Variants in CATSPERG observed in about 807,000 individuals in gnomAD.
The protein encoded by CATSPERG is catsper channel auxiliary subunit gamma, also known as cation channel sperm-associated auxiliary subunit gamma.
In CATSPERG, 115 loss-of-function variants were observed where a neutral mutation model predicts 145.0. The observed-to-expected ratio is 0.79, with a 90% CI of 0.68 to 0.93. The LOEUF (loss-of-function observed/expected upper bound fraction) is 0.93. CATSPERG is among the 40% of genes least tolerant of loss of function. The pLI is 0.00. For synonymous variants in CATSPERG, 588 were observed against 589.0 expected (o/e 1.00, Z 0.02); for missense variants, 1,296 against 1,490.1 (o/e 0.87, Z 2.14).
At chr19:38,343,966 G>C (rs1969982047) in intron 4 of CATSPERG, 27 bp from the exon 5 acceptor site, 2 of 1,547,664 alleles carry the variant, frequency 1.3e-6, no homozygotes. Flanking sequence ...GGCCCCAGCA[G>C]TTTCAGTGCC....
In CATSPERG at chr19:38,344,335, G is replaced by A; in HGVS notation, c.636G>A (p.Arg212=). 1 of 1,551,732 alleles carries A rather than the reference G, an allele frequency of 6.4e-7. No homozygotes were observed. The highest frequency in any genetic ancestry group is 1.2e-5 in the South Asian group (1 of 84,046). The change falls in exon 6 of 29, where the codon CGG becomes CGA. Residue 212 remains arginine, a synonymous_variant. Transcript: ENST00000409235. The part of the protein sequence containing the change: ...MNINGFLKRD[R]DNNIQFTVGE... ...TCAACGGCTTCCTGAAGAGAGACCGGGACAATAACATCCAATTCACTGTGG... is the reference window on the plus strand; with the variant it reads ...TCAACGGCTTCCTGAAGAGAGACCGAGACAATAACATCCAATTCACTGTGG...
chr19:38,368,111 C>A lies in CATSPERG; in HGVS notation c.2994C>A (p.Ile998=). 6.2e-7 allele frequency: 1 copy of A among 1,614,212 alleles called. No individual in the cohort carries two copies. Among genetic ancestry groups the A allele is most frequent in the Non-Finnish European group, 8.5e-7 (1 of 1,180,048 alleles). ...TRTTKDSAFH[I]MSHESPGIEW... The stretch of plus-strand genomic sequence containing the variant: ...CCACCAAAGACTCAGCCTTTCACAT[C>A]ATGTCCCACGAGAGCCCAGGCATCG... The change falls in exon 26 of 29, where the codon ATC becomes ATA. Residue 998 remains isoleucine, a synonymous_variant. Coordinates refer to ENST00000409235, the MANE Select transcript of CATSPERG (RefSeq NM_021185.5).
chr19:38,348,330 A>T (rs942093413), intron 7 of CATSPERG, among the ~76,000 whole-genome samples: 7 of 150,740 alleles, frequency 4.6e-5, no homozygotes, highest in African/African-American at 1.5e-4. Context: ...GGCTAATTTT[A>T]AAAAATTGTT....
chr19:38,354,571 C>A, intron 8 of CATSPERG, 139 bp from the exon 9 acceptor site: 1 of 957,100 alleles, frequency 1.0e-6, no homozygotes, highest in Non-Finnish European at 1.5e-6. Flanking sequence ...CTGCCAGGTG[C>A]TCCCTGACAC....
chr19:38,342,645 TAAAG>T (rs1969958866), intron 3 of CATSPERG, among the ~76,000 whole-genome samples: 2 of 145,580 alleles, frequency 1.4e-5, no homozygotes, highest in South Asian at 4.5e-4. Context: ...GCAAAGAAAG[TAAAG>T]AAAGTCAGCC....
Position 38,346,439 on chromosome 19 carries a change from C to T in CATSPERG, c.670-11C>T. ...GAGAGTGTTGGCGTCCCTCCTGTCC[C>T]TCCTTGGCAGCTCTTCAACCTGATG... is the stretch of plus-strand genomic sequence containing the variant. On this transcript the variant is annotated splice_polypyrimidine_tract_variant and intron_variant, in intron 6 of 28. Transcript: ENST00000409235. 3.3e-6 allele frequency: 5 copies of T among 1,530,944 alleles called. No individual in the cohort carries two copies. The highest frequency in any genetic ancestry group is 2.5e-5 in the East Asian group (1 of 40,308). The allele number at this position is 1,530,944 out of a possible 1,614,324, so 94.8% of individuals were successfully genotyped here. A position where few individuals can be genotyped will look rare whatever the true frequency, so the allele number is the denominator to read the frequency against.
At chr19:38,350,205 C>T (rs1430847613) in intron 7 of CATSPERG, among the ~76,000 whole-genome samples, 1 of 152,148 alleles carries the variant, frequency 6.6e-6, no homozygotes, top group Non-Finnish European at 1.5e-5. Context: ...GTGGTACATG[C>T]CCAGCTAAAC....
chr19:38,348,248 T>G (rs1970073778), intron 7 of CATSPERG, among the ~76,000 whole-genome samples: 1 of 151,152 alleles, frequency 6.6e-6, no homozygotes, highest in African/African-American at 2.4e-5. Flanking sequence ...AGCCTCCAAC[T>G]CCTGGACTTA....
At position 38,337,324 on chromosome 19, in the gene CATSPERG, G is replaced by A; in HGVS notation, c.90G>A (p.Leu30=). The A allele has an allele frequency of 6.4e-7, 1 of 1,551,466 alleles. No homozygotes were observed. The highest frequency in any genetic ancestry group is 2.4e-5 in the East Asian group (1 of 40,908). The change falls in exon 2 of 29, where the codon CTG becomes CTA. Residue 30 remains leucine, a synonymous_variant. Transcript: ENST00000409235. The part of the protein sequence containing the change: ...QVLWALLAVL[L]ASWRLWAIKD... The stretch of plus-strand genomic sequence containing the variant: ...TGTGGGCCCTGCTGGCAGTGCTCCT[G>A]GCGTCGTGGAGGCTGTGGGCGATCA...
intron 3 of CATSPERG, 90 bp from the exon 4 acceptor site, chr19:38,343,490 C>G: frequency 8.2e-7 from 1 of 1,222,404 alleles, no homozygotes. Flanking sequence ...CCCGGACAGC[C>G]CAGGAGACAG....
chr19:38,365,140 G>C, intron 22 of CATSPERG, 23 bp downstream of exon 22: 1 of 1,610,178 alleles, frequency 6.2e-7, no homozygotes, highest in South Asian at 1.1e-5. Flanking sequence ...GGGATACTGG[G>C]CCCTGGGAGG....
At chr19:38,336,775 T>G (rs1007740528) in intron 1 of CATSPERG, 23 of 249,020 alleles carry the variant, frequency 9.2e-5, no homozygotes, top group East Asian at 2.3e-4. Flanking sequence ...AGAGCAAGAG[T>G]GGAATACAGG....
intron 26 of CATSPERG, 28 bp downstream of exon 26, chr19:38,368,165 C>T (rs1467287338): frequency 1.2e-6 from 2 of 1,600,374 alleles, no homozygotes; most frequent in Admixed American, 1.7e-5. Flanking sequence ...CCCCTCTTGG[C>T]CCCCATCTGT....
chr19:38,364,741 G>A (rs577242630), intron 20 of CATSPERG, 150 bp from the exon 21 acceptor site: 20 of 669,940 alleles, frequency 3.0e-5, no homozygotes, highest in African/African-American at 7.1e-5. Context: ...CCAACACCCC[G>A]TTAGCCTATT....
At chr19:38,340,285 C>G (rs991228218) in intron 3 of CATSPERG, among the ~76,000 whole-genome samples, 1 of 151,848 alleles carries the variant, frequency 6.6e-6, no homozygotes, top group African/African-American at 2.4e-5. Flanking sequence ...ATTCATTGCT[C>G]TAAATGCCTA....
chr19:38,346,047 G>A (rs1234329390), intron 6 of CATSPERG, among the ~76,000 whole-genome samples: 1 of 152,172 alleles, frequency 6.6e-6, no homozygotes, highest in East Asian at 1.9e-4. Context: ...TAAGCGCTCT[G>A]GAGAGAAATG....
Position 38,358,347 on chromosome 19 carries a change from C to T in CATSPERG, c.1366+19C>T, listed in dbSNP as rs750459731. 3.8e-5 allele frequency: 61 copies of T among 1,614,038 alleles called. No homozygotes were observed. Among genetic ancestry groups the T allele is most frequent in the East Asian group, 6.7e-5 (3 of 44,896 alleles). On this transcript the variant is annotated intron_variant, in intron 12 of 28. Transcript: ENST00000409235. ...CCTGAAGGTAGGAAGGGAAGGCAGA[C>T]GTGGCCTCAGGGTGGCTGTGGGCCA...
rs752358911 is a variant in CATSPERG at position 38,367,555 on chromosome 19, C to T, written c.2817C>T (p.Ser939=). The change falls in exon 24 of 29, where the codon TCC becomes TCT. Residue 939 remains serine, a synonymous_variant. Transcript: ENST00000409235. ...TTCAAGATTTGGTGACAGGAGACTC[C>T]GGCAGTTTCCAGGGCAGGTAAAGGC... ...FLIQDLVTGD[S]GSFQGSYVLL... The T allele has an allele frequency of 3.8e-5, 61 of 1,614,124 alleles. No individual in the cohort carries two copies. Among genetic ancestry groups the T allele is most frequent in the South Asian group, 1.1e-4 (10 of 91,066 alleles).
Position 38,337,651 on chromosome 19 carries a change from G to A in CATSPERG, c.324+5G>A, listed in dbSNP as rs1270147660. 1.1e-5 allele frequency: 17 copies of A among 1,551,358 alleles called. No individual in the cohort carries two copies. Among genetic ancestry groups the A allele is most frequent in the Non-Finnish European group, 1.5e-5 (17 of 1,146,826 alleles). ...AACTACTCCTGCGAGGAAAAGGTGAGTGGGTGCAGCACGGATAGGCTCATT... is the reference window on the plus strand; with the variant it reads ...AACTACTCCTGCGAGGAAAAGGTGAATGGGTGCAGCACGGATAGGCTCATT... On this transcript the variant is annotated splice_donor_5th_base_variant and intron_variant, in intron 3 of 28. Coordinates refer to ENST00000409235, the MANE Select transcript of CATSPERG (RefSeq NM_021185.5).
Sources: gnomAD v4.1 joint callset for allele counts (sites outside exome capture counted in the v4.1 genomes callset) on GRCh38, gnomAD v4.1.1 for gene constraint, MANE v1.5 for transcripts, NCBI Gene and HGNC (gene_info 2026-07-23, HGNC 2026-07-21) for gene names.